The following TRPM7 variants were observed in gnomAD, a reference collection of about 807,000 sequenced individuals.
The protein encoded by TRPM7 is LTRPC ion channel family member 7.
TRPM7 carries 134 observed loss-of-function variants against 229.7 expected under a neutral mutation model. The ratio of observed to expected loss-of-function variants is 0.58; its 90% CI spans 0.51 to 0.67. The LOEUF (loss-of-function observed/expected upper bound fraction) is 0.67. Ranked by LOEUF, TRPM7 falls within the 30% of genes least tolerant of loss-of-function variation. TRPM7 has a pLI of 0.00. For synonymous variants in TRPM7, 699 were observed against 715.2 expected (o/e 0.98, Z 0.36); for missense variants, 1,901 against 2,210.0 (o/e 0.86, Z 2.80).
rs1394421767 is a variant in TRPM7 at position 50,679,205 on chromosome 15, TGGGCCTGTCATTTTA to T, written c.3+7311_3+7325del. ...TTTTTAATTAGCCAGGTTGGTGGTA[TGGGCCTGTCATTTTA>T]GGTACTTGGGAGGCTGAAGTGGCAG... On this transcript the variant is annotated intron_variant, in intron 1 of 38. Coordinates refer to ENST00000646667, the MANE Select transcript of TRPM7 (RefSeq NM_017672.6). Among the ~76,000 whole-genome samples, 32 of 134,934 alleles carry T rather than the reference TGGGCCTGTCATTTTA, an allele frequency of 2.4e-4. 2 individuals carry two copies. Among genetic ancestry groups the T allele is most frequent in the African/African-American group, 6.3e-4 (21 of 33,110 alleles). 88.5% of individuals were successfully genotyped at this position (134,934 alleles called of 152,430 possible).
At position 50,631,326 on chromosome 15, in the gene TRPM7, T is replaced by C. The variant is rs566637856; in HGVS notation, c.1204+91A>G. 4.0e-5 allele frequency: 23 copies of C among 578,462 alleles called. No individual in the cohort carries two copies. In the South Asian group the frequency reaches 4.6e-4, roughly 12 times the overall value. The allele number at this position is 578,462 out of a possible 1,614,324, so 35.8% of individuals were successfully genotyped here. A position where few individuals can be genotyped will look rare whatever the true frequency, so the allele number is the denominator to read the frequency against. ...TTTAGCCATGGTAAAAGGTTTTATA[T>C]TTTATATACATACACATATACACAC... On this transcript the variant is annotated intron_variant, in intron 10 of 38. Transcript: ENST00000646667.
chr15:50,652,666 G>A (rs1334752319), intron 3 of TRPM7, among the ~76,000 whole-genome samples: 1 of 151,702 alleles, frequency 6.6e-6, no homozygotes, highest in Non-Finnish European at 1.5e-5. Context: ...GTTTAAGTGG[G>A]TACATTTCCC....
At chr15:50,670,335 T>C (rs2061962160) in intron 1 of TRPM7, among the ~76,000 whole-genome samples, 1 of 152,042 alleles carries the variant, frequency 6.6e-6, no homozygotes, top group South Asian at 2.1e-4. Flanking sequence ...GCATTCCCAG[T>C]AGGTTAGGTA....
Position 50,591,887 on chromosome 15 carries a change from C to A in TRPM7, c.4324+24G>T. On this transcript the variant is annotated intron_variant, in intron 26 of 38. Transcript: ENST00000646667. ...GTGAAAAGTAAATAATATTGATATA[C>A]AAATACGAATTTGCCAAACTTACCT... is the stretch of plus-strand genomic sequence containing the variant. The A allele has an allele frequency of 2.7e-6, 4 of 1,474,094 alleles. 1 individual carries two copies. The South Asian group carries it at 4.3e-5, about 16-fold the overall frequency. The allele number at this position is 1,474,094 out of a possible 1,614,324, so 91.3% of individuals were successfully genotyped here. A position where few individuals can be genotyped will look rare whatever the true frequency, so the allele number is the denominator to read the frequency against.
chr15:50,665,806 C>T (rs752082555), intron 1 of TRPM7, among the ~76,000 whole-genome samples: 4 of 152,010 alleles, frequency 2.6e-5, no homozygotes, highest in East Asian at 1.9e-4. Context: ...ACCAGCCTGA[C>T]CAACATGGTG....
chr15:50,646,009 C>T (rs956335901), intron 4 of TRPM7, among the ~76,000 whole-genome samples: 3 of 150,890 alleles, frequency 2.0e-5, no homozygotes, highest in Non-Finnish European at 4.4e-5. Context: ...CCCAGCTACT[C>T]GGGAGGCTGA....
At position 50,592,186 on chromosome 15, in the gene TRPM7, G is replaced by C; in HGVS notation, c.4049C>G (p.Ser1350Cys). Residue 1350 changes from serine to cysteine, a missense_variant, in exon 26 of 39, where the codon TCC (serine) becomes TGC (cysteine). By Grantham distance (112) the Ser-to-Cys change is moderately radical (BLOSUM62 -1). This residue lies in a region of TRPM7 where 533 missense variants were observed against 497.1 expected (regional missense o/e 1.07). Transcript: ENST00000646667. ...RKEFNFPEAG[S>C]SSGALFPSAV... ...ACTTGGGAATAAGGCACCAGAAGAG[G>C]AACCAGCCTCTGGAAAATTAAATTC... 6 of 1,614,110 alleles carry C rather than the reference G, an allele frequency of 3.7e-6. No individual in the cohort carries two copies. Among genetic ancestry groups the C allele is most frequent in the Middle Eastern group, 1.6e-4 (1 of 6,062 alleles).
chr15:50,599,535 C>G, intron 21 of TRPM7: 1 of 350,890 alleles, frequency 2.8e-6, no homozygotes, highest in East Asian at 4.5e-5. Context: ...GCATCTTTAT[C>G]TACATAATGA....
intron 36 of TRPM7, among the ~76,000 whole-genome samples, chr15:50,572,441 T>A (rs748320742): frequency 6.6e-6 from 1 of 152,246 alleles, no homozygotes; most frequent in African/African-American, 2.4e-5. Flanking sequence ...TTTTTAACAA[T>A]AAGGTATTTT....
chr15:50,578,581 G>C (rs1051498364), intron 31 of TRPM7, 58 bp downstream of exon 31: 7 of 1,530,822 alleles, frequency 4.6e-6, no homozygotes, highest in African/African-American at 1.4e-5. Context: ...GGTGTTTGCT[G>C]TAACAGATCA....
At position 50,570,093 on chromosome 15, in the gene TRPM7, A is replaced by C. The variant is rs765092788; in HGVS notation, c.5360+11T>G. The C allele has an allele frequency of 6.2e-7, 1 of 1,609,312 alleles. No individual in the cohort carries two copies. Among genetic ancestry groups the C allele is most frequent in the Non-Finnish European group, 8.5e-7 (1 of 1,177,824 alleles). On this transcript the variant is annotated intron_variant, in intron 37 of 38. Coordinates refer to ENST00000646667, the MANE Select transcript of TRPM7 (RefSeq NM_017672.6). ...AAATTATGCCTTAATGAAATAGTTA[A>C]AACTTATTACCTCTTTTCTTCTGCT...
At chr15:50,590,937 T>A (rs996362242) in intron 26 of TRPM7, among the ~76,000 whole-genome samples, 12 of 152,188 alleles carry the variant, frequency 7.9e-5, no homozygotes, top group Non-Finnish European at 2.9e-5. Flanking sequence ...AGTGCCTAGA[T>A]AACTTCCTAG....
At chr15:50,616,969 GA>G (rs2060238385) in intron 13 of TRPM7, among the ~76,000 whole-genome samples, 1 of 151,892 alleles carries the variant, frequency 6.6e-6, no homozygotes, top group Non-Finnish European at 1.5e-5. Flanking sequence ...TGTAATTTGT[GA>G]AATGTATTTC....
In TRPM7 at chr15:50,635,664, C is replaced by CAAAAAAA. The variant is rs765054880; in HGVS notation, c.833-1115_833-1109dup. Reference sequence around the variant, plus strand: ...AGCAACAGAGCAAGACTCCATCTCCCAAAAAAAAAAAAAAAAAAAAAAAAA... The same window carrying CAAAAAAA: ...AGCAACAGAGCAAGACTCCATCTCCCAAAAAAAAAAAAAAAAAAAAAAAAAAAAAAAA... On this transcript the variant is annotated intron_variant, in intron 7 of 38. Transcript: ENST00000646667. Among the ~76,000 whole-genome samples the CAAAAAAA allele has an allele frequency of 1.2e-3, 69 of 56,554 alleles. 1 individual carries two copies. Among genetic ancestry groups the CAAAAAAA allele is most frequent in the African/African-American group, 2.1e-3 (39 of 18,946 alleles). 37.1% of individuals were successfully genotyped at this position (56,554 alleles called of 152,430 possible).
chr15:50,681,462 C>T (rs1478178747), intron 1 of TRPM7, among the ~76,000 whole-genome samples: 1 of 152,066 alleles, frequency 6.6e-6, no homozygotes, highest in East Asian at 1.9e-4. Context: ...TAATGTATAG[C>T]CCTATCTTTC....
chr15:50,599,413 T>A, intron 21 of TRPM7, 117 bp from the exon 22 acceptor site: 1 of 640,976 alleles, frequency 1.6e-6, no homozygotes, highest in Non-Finnish European at 2.5e-6. Context: ...AAAAAATCTT[T>A]GAGATTCTTT....
chr15:50,592,055 G>A lies in TRPM7; in HGVS notation c.4180C>T (p.Leu1394=), dbSNP rs1369103112. 1 of 1,613,396 alleles carries A rather than the reference G, an allele frequency of 6.2e-7. No homozygotes were observed. The highest frequency in any genetic ancestry group is 1.3e-5 in the African/African-American group (1 of 74,880). ...AAAAATTTGGTTGGTGGGGATGACA[G>A]ATGTGGTATGCTAGTAGATGAACTG... ...LGSSSTSIPH[L]SSPPTKFFVS... Residue 1394 remains leucine, a synonymous_variant, in exon 26 of 39, where the codon CTG becomes TTG. Coordinates refer to ENST00000646667, the MANE Select transcript of TRPM7 (RefSeq NM_017672.6).
intron 5 of TRPM7, among the ~76,000 whole-genome samples, chr15:50,641,314 C>G (rs1165742792): frequency 1.3e-5 from 2 of 152,320 alleles, no homozygotes; most frequent in East Asian, 3.9e-4. Flanking sequence ...CTGACTTCAT[C>G]ACCTAGCACT....
chr15:50,654,194 C>T (rs1484944513), intron 3 of TRPM7, among the ~76,000 whole-genome samples: 1 of 152,016 alleles, frequency 6.6e-6, no homozygotes, highest in Admixed American at 6.6e-5. Flanking sequence ...TCACACCATC[C>T]CAGCACTTTG....
Sources: gnomAD v4.1 joint callset for allele counts (sites outside exome capture counted in the v4.1 genomes callset) on GRCh38, gnomAD v4.1.1 for gene constraint, gnomAD v4.1.1 regional missense constraint, MANE v1.5 for transcripts, NCBI Gene and HGNC (gene_info 2026-07-23, HGNC 2026-07-21) for gene names.